The following EIF4E3 variants were observed in gnomAD, a reference collection of about 807,000 sequenced individuals.
EIF4E3 encodes the protein eukaryotic translation initiation factor 4E family member 3.
EIF4E3 carries 26 observed loss-of-function variants against 31.7 expected under a neutral mutation model. The observed-to-expected ratio is 0.82, with a 90% confidence interval of 0.60 to 1.14. The LOEUF is 1.14. Ranked by LOEUF, EIF4E3 falls within the 50% of genes most tolerant of loss-of-function variation. The pLI is 0.00. For synonymous variants in EIF4E3, 128 were observed against 107.7 expected, an observed-to-expected ratio of 1.19 and a Z score of -1.17; for missense variants, 304 against 270.9, an observed-to-expected ratio of 1.12 and a Z score of -0.86.
rs901031722 is a variant in EIF4E3, at chr3:71,677,655, T to C, written c.*7027A>G. On this transcript the variant is annotated 3_prime_UTR_variant, in exon 7 of 7. Transcript: ENST00000425534. ...TTCAACGATTTCATTAAATTCGCTG[T>C]GTTAAAATTAATTAGGCATCACACA... is the stretch of plus-strand genomic sequence containing the variant. 1 of 152,226 alleles carries C rather than the reference T, an allele frequency of 6.6e-6. No homozygotes were observed. The allele number at this position is 152,226 out of a possible 1,614,324, so 9.4% of individuals were successfully genotyped here.
the EIF4E3 span, among the ~76,000 whole-genome samples, chr3:71,669,555 T>G: frequency 1.3e-5 from 2 of 152,174 alleles, no homozygotes; most frequent in Non-Finnish European, 2.9e-5. Context: ...TACAAATGGA[T>G]ACGTTAAATG....
At chr3:71,701,917 C>T (rs1052644199) in intron 2 of EIF4E3, among the ~76,000 whole-genome samples, 2 of 152,058 alleles carry the variant, frequency 1.3e-5, no homozygotes, top group African/African-American at 4.8e-5. Flanking sequence ...CCTCAAACAC[C>T]CATCTGCCTC....
intron 1 of EIF4E3, among the ~76,000 whole-genome samples, chr3:71,722,432 A>T (rs2049566046): frequency 6.6e-6 from 1 of 152,004 alleles, no homozygotes; most frequent in Non-Finnish European, 1.5e-5. Context: ...GTGGGAAAAA[A>T]CTCAGAGGCG....
rs1440253045 is a variant in EIF4E3, at chr3:71,725,154, G to A, written c.176+38C>T. The A allele has an allele frequency of 2.8e-6, 3 of 1,059,348 alleles. No individual in the cohort carries two copies. The highest frequency in any genetic ancestry group is 3.4e-6 in the Non-Finnish European group (3 of 880,614). 65.6% of individuals were successfully genotyped at this position (1,059,348 alleles called of 1,614,324 possible). On this transcript the variant is annotated intron_variant, in intron 1 of 6. Coordinates refer to ENST00000425534, the MANE Select transcript of EIF4E3 (RefSeq NM_001134651.2). The surrounding 1 kb of genome is among the most constrained non-coding windows in gnomAD (Gnocchi z 6.1). ...AAAGCGGCGGTGGCGGCAGGACCCGGGTCGGGGCCGTGCGCGGCGGGCCCC... is the reference window on the plus strand; with the variant it reads ...AAAGCGGCGGTGGCGGCAGGACCCGAGTCGGGGCCGTGCGCGGCGGGCCCC...
At chr3:71,704,053 A>C (rs1032738895) in intron 2 of EIF4E3, among the ~76,000 whole-genome samples, 4 of 152,250 alleles carry the variant, frequency 2.6e-5, no homozygotes, top group Admixed American at 6.5e-5. Context: ...CAAAGGCTGA[A>C]AGCAAAGTGC....
chr3:71,668,830 A>G, the EIF4E3 span, among the ~76,000 whole-genome samples: 4 of 152,224 alleles, frequency 2.6e-5, no homozygotes, highest in African/African-American at 9.7e-5. Context: ...TGTGGAATAC[A>G]GTGTGGCAAT....
At chr3:71,659,806 C>A in the EIF4E3 span, among the ~76,000 whole-genome samples, 1 of 152,196 alleles carries the variant, frequency 6.6e-6, no homozygotes, top group Non-Finnish European at 1.5e-5. Flanking sequence ...GAGATAGTCA[C>A]CTGGGGGCAG....
At chr3:71,752,585 T>C (rs370722901) in intron 1 of EIF4E3, among the ~76,000 whole-genome samples, 2 of 152,256 alleles carry the variant, frequency 1.3e-5, no homozygotes, top group South Asian at 2.1e-4. Flanking sequence ...TGAGAAACAA[T>C]GCGTTGCTTA....
chr3:71,742,652 A>G (rs1407405385), intron 1 of EIF4E3, among the ~76,000 whole-genome samples: 10 of 152,126 alleles, frequency 6.6e-5, no homozygotes. Context: ...CCTGAACCAA[A>G]AGACAAAGCC....
chr3:71,664,873 T>TCAAAA, the EIF4E3 span, among the ~76,000 whole-genome samples: 262 of 152,098 alleles, frequency 1.7e-3, no homozygotes, highest in African/African-American at 5.2e-3. Flanking sequence ...AGACTCCATT[T>TCAAAA]CAAAACAAAA....
At chr3:71,661,856 G>A in the EIF4E3 span, among the ~76,000 whole-genome samples, 1 of 152,140 alleles carries the variant, frequency 6.6e-6, no homozygotes, top group Non-Finnish European at 1.5e-5. Flanking sequence ...GCATTGAGTA[G>A]GTGCTCAATA....
chr3:71,722,382 G>C (rs1462775499), intron 1 of EIF4E3, among the ~76,000 whole-genome samples: 1 of 152,220 alleles, frequency 6.6e-6, no homozygotes, highest in Admixed American at 6.5e-5. Context: ...GAGATCCCTG[G>C]TGTAAATGGC....
At chr3:71,696,642 G>T in intron 3 of EIF4E3, 122 bp from the exon 4 acceptor site, 2 of 1,104,328 alleles carry the variant, frequency 1.8e-6, no homozygotes, top group South Asian at 1.6e-5. Flanking sequence ...AAAATAGTTG[G>T]GCATTTTTCT....
intron 1 of EIF4E3, among the ~76,000 whole-genome samples, chr3:71,714,289 GGAAGGAAGGAAGGAAC>G (rs1559602567): frequency 0.08 from 10,477 of 131,436 alleles, 492 homozygotes; most frequent in East Asian, 0.21. Flanking sequence ...AAGGAAGGAA[GGAAGGAAGGAAGGAAC>G]GAAAGAAAGG....
In EIF4E3 at chr3:71,696,476, A is replaced by T. The variant is rs1340973645; in HGVS notation, c.389T>A (p.Val130Asp). The T allele has an allele frequency of 6.2e-7, 1 of 1,614,036 alleles. No homozygotes were observed. Among genetic ancestry groups the T allele is most frequent in the Admixed American group, 1.7e-5 (1 of 59,992 alleles). ...GGAACCTACCGTGCTGTCCTTGGGG[A>T]CTTTCATCTTCCATACGCCACCCTT... ...NAKGGVWKMK[V>D]PKDSTSTVWK... The change falls in exon 4 of 7, where the codon GTC becomes GAC. Residue 130 changes from valine to aspartate, a missense_variant. Val to Asp is a radical substitution (Grantham distance 152). Coordinates refer to ENST00000425534, the MANE Select transcript of EIF4E3 (RefSeq NM_001134651.2).
intron 1 of EIF4E3, among the ~76,000 whole-genome samples, chr3:71,752,186 C>G (rs140111407): frequency 6.6e-6 from 1 of 152,288 alleles, no homozygotes; most frequent in Non-Finnish European, 1.5e-5. Context: ...TAGTCTCACC[C>G]CGGAGCTTGT....
rs1003930941 is a variant in EIF4E3, at chr3:71,689,958, A to T, written c.628+52T>A. 3 of 1,412,864 alleles carry T rather than the reference A, an allele frequency of 2.1e-6. No homozygotes were observed. The Admixed American group carries it at 7.5e-5, about 35-fold the overall frequency. 87.5% of individuals were successfully genotyped at this position (1,412,864 alleles called of 1,614,324 possible). A position where few individuals can be genotyped will look rare whatever the true frequency, so the allele number is the denominator to read the frequency against. ...CATTTGCAAAACAGTTTCTATCTTT[A>T]AAAGTATGATAGAGTAAGCTAGAAA... On this transcript the variant is annotated intron_variant, in intron 6 of 6. Transcript: ENST00000425534.
chr3:71,752,282 A>C (rs981584242), intron 1 of EIF4E3, among the ~76,000 whole-genome samples: 10 of 152,168 alleles, frequency 6.6e-5, no homozygotes, highest in African/African-American at 2.2e-4. Flanking sequence ...TTCTGCACAT[A>C]GTGAAGTTTG....
chr3:71,689,988 T>A, intron 6 of EIF4E3, 22 bp downstream of exon 6: 3 of 1,583,852 alleles, frequency 1.9e-6, no homozygotes, highest in Non-Finnish European at 2.6e-6. Context: ...TAGAAAGTAA[T>A]AACTGGAAAT....
Sources: allele counts gnomAD v4.1 joint callset (sites outside exome capture counted in the v4.1 genomes callset), GRCh38; gene constraint gnomAD v4.1.1; non-coding constraint Gnocchi (gnomAD v3.1); transcripts MANE v1.5; gene names NCBI Gene and HGNC (gene_info 2026-07-23, HGNC 2026-07-21).